The following SETD3 variants were observed in gnomAD, a reference collection of about 807,000 sequenced individuals.
SETD3 encodes actin-histidine N-methyltransferase.
In SETD3, 19 loss-of-function variants were observed where a neutral mutation model predicts 63.0. The observed-to-expected ratio is 0.30, with a 90% confidence interval of 0.21 to 0.44. The LOEUF (loss-of-function observed/expected upper bound fraction) is 0.44. SETD3 is among the 20% of genes least tolerant of loss of function. The pLI is 1.00. For synonymous variants in SETD3, 286 were observed against 264.1 expected (o/e 1.08, Z -0.80); for missense variants, 587 against 728.5 (o/e 0.81, Z 2.24).
At chr14:99,477,852 T>C (rs899891208) in intron 1 of SETD3, among the ~76,000 whole-genome samples, 23 of 151,840 alleles carry the variant, frequency 1.5e-4, no homozygotes, top group African/African-American at 4.6e-4. Context: ...GTAAATATTA[T>C]GTAAATTAAT....
intron 6 of SETD3, among the ~76,000 whole-genome samples, chr14:99,438,441 GA>G (rs1235657206): frequency 6.6e-6 from 1 of 152,220 alleles, no homozygotes; most frequent in Non-Finnish European, 1.5e-5. Flanking sequence ...AGACAAGTTA[GA>G]ATAAGCTAGG....
chr14:99,458,456 G>C lies in SETD3; in HGVS notation c.498C>G (p.Ala166=), dbSNP rs373743213. 7.9e-5 allele frequency: 128 copies of C among 1,614,038 alleles called. No homozygotes were observed. The highest frequency in any genetic ancestry group is 9.7e-5 in the Non-Finnish European group (114 of 1,180,034). The change falls in exon 6 of 13, where the codon GCC becomes GCG. Residue 166 remains alanine (A), a synonymous_variant. Transcript: ENST00000331768. ...AGGGCTGCCAGAAGGAGTTAGGGCT[G>C]GCTCGCTCACACAGCAAATGAAAGG... ...ALAFHLLCER[A]SPNSFWQPYI...
intron 2 of SETD3, among the ~76,000 whole-genome samples, chr14:99,464,757 A>T (rs1336558825): frequency 6.6e-6 from 1 of 152,266 alleles, no homozygotes; most frequent in African/African-American, 2.4e-5. Flanking sequence ...TTAAAAAGTT[A>T]CCAAATTACA....
intron 6 of SETD3, among the ~76,000 whole-genome samples, chr14:99,438,557 A>T (rs186642035): frequency 3.7e-4 from 56 of 152,354 alleles, no homozygotes; most frequent in African/African-American, 1.3e-3. Flanking sequence ...AATTTATTCC[A>T]GAATCCTCAA....
intron 8 of SETD3, among the ~76,000 whole-genome samples, chr14:99,409,503 A>AC (rs1196459835): frequency 6.6e-6 from 1 of 152,154 alleles, no homozygotes; most frequent in Non-Finnish European, 1.5e-5. Flanking sequence ...CCTGCAGCGC[A>AC]CACCACTCAC....
chr14:99,478,640 A>G (rs1206137353), intron 1 of SETD3: 1 of 152,092 alleles, frequency 6.6e-6, no homozygotes, highest in African/African-American at 2.4e-5. Flanking sequence ...TTTTACTACA[A>G]CTCTACACAG....
At chr14:99,399,150 T>C (rs1212757086) in intron 12 of SETD3, 25 bp from the exon 13 acceptor site, 2 of 1,602,988 alleles carry the variant, frequency 1.2e-6, no homozygotes, top group East Asian at 2.2e-5. Flanking sequence ...CAAAATTAAT[T>C]ACAAGAAGTC....
At chr14:99,482,144 C>G (rs1896353071), upstream of SETD3, among the ~76,000 whole-genome samples, 1 of 152,212 alleles carries the variant, frequency 6.6e-6, no homozygotes, top group Non-Finnish European at 1.5e-5. Flanking sequence ...CTCGGTAATG[C>G]TCCCTAAATT....
chr14:99,451,911 AG>A (rs542896745), intron 6 of SETD3, among the ~76,000 whole-genome samples: 86 of 152,292 alleles, frequency 5.6e-4, no homozygotes, highest in African/African-American at 1.9e-3. Flanking sequence ...ATATACAGTG[AG>A]TGTCAAACAT....
chr14:99,408,438 G>A (rs1487756093), intron 8 of SETD3, among the ~76,000 whole-genome samples: 5 of 152,122 alleles, frequency 3.3e-5, no homozygotes, highest in Non-Finnish European at 5.9e-5. Flanking sequence ...AGTGGAATGA[G>A]AAGCTGCCCA....
At chr14:99,482,489 G>A (rs928525043), upstream of SETD3, among the ~76,000 whole-genome samples, 8 of 152,214 alleles carry the variant, frequency 5.3e-5, no homozygotes, top group Non-Finnish European at 1.0e-4. Context: ...TTGGATTAAA[G>A]TGCCCTTAGG....
At chr14:99,415,262 T>TA (rs1892231096) in intron 6 of SETD3, among the ~76,000 whole-genome samples, 1 of 152,222 alleles carries the variant, frequency 6.6e-6, no homozygotes, top group South Asian at 2.1e-4. Flanking sequence ...ACTGTAGAAT[T>TA]AAACTGTAGA....
chr14:99,405,601 G>A (rs528662033), intron 9 of SETD3, among the ~76,000 whole-genome samples: 5 of 152,150 alleles, frequency 3.3e-5, no homozygotes, highest in Non-Finnish European at 7.4e-5. Flanking sequence ...GAGAGGAGAG[G>A]GGAGGCCAGG....
At chr14:99,403,445 A>ACTCTCTCTCTCT in intron 11 of SETD3, among the ~76,000 whole-genome samples, 1 of 113,296 alleles carries the variant, frequency 8.8e-6, no homozygotes, top group East Asian at 3.4e-4. Context: ...ACACACACAC[A>ACTCTCTCTCTCT]CACACACACA....
chr14:99,424,537 G>A (rs772190816), intron 6 of SETD3, among the ~76,000 whole-genome samples: 2 of 152,168 alleles, frequency 1.3e-5, no homozygotes, highest in Admixed American at 6.5e-5. Flanking sequence ...TCAAAGGCAT[G>A]GGGGCTGTCT....
In SETD3 at chr14:99,458,369, C is replaced by A; in HGVS notation, c.585G>T (p.Arg195=). 1 of 1,614,030 alleles carries A rather than the reference C, an allele frequency of 6.2e-7. No individual in the cohort carries two copies. Among genetic ancestry groups the A allele is most frequent in the Non-Finnish European group, 8.5e-7 (1 of 1,180,004 alleles). ...GTATAGCTTGTGTGGACTGAAGATA[C>A]CGAACTTCATCTTCTTCAAAGTAGA... ...TPLYFEEDEV[R]YLQSTQAIHD... Residue 195 remains arginine, a synonymous_variant, in exon 6 of 13, where the codon CGG becomes CGT. Coordinates refer to ENST00000331768, the MANE Select transcript of SETD3 (RefSeq NM_032233.3).
intron 6 of SETD3, among the ~76,000 whole-genome samples, chr14:99,429,465 T>C (rs952978721): frequency 5.9e-5 from 9 of 152,160 alleles, no homozygotes; most frequent in African/African-American, 2.2e-4. Context: ...AATCTAAACA[T>C]AAACAGAGCA....
intron 6 of SETD3, among the ~76,000 whole-genome samples, chr14:99,423,041 C>T (rs771967306): frequency 1.3e-5 from 2 of 152,170 alleles, no homozygotes; most frequent in African/African-American, 2.4e-5. Context: ...CTATTCCCCA[C>T]GCTCAAAGAG....
chr14:99,475,219 AG>A (rs1895908967), intron 1 of SETD3, among the ~76,000 whole-genome samples: 2 of 152,244 alleles, frequency 1.3e-5, no homozygotes, highest in African/African-American at 2.4e-5. Context: ...AAGGAGCAAC[AG>A]GATTAGAGGA....
Sources: gnomAD v4.1 joint callset for allele counts (sites outside exome capture counted in the v4.1 genomes callset) on GRCh38, gnomAD v4.1.1 for gene constraint, MANE v1.5 for transcripts, NCBI Gene and HGNC (gene_info 2026-07-23, HGNC 2026-07-21) for gene names.